PKD1L3: variants seen among roughly 807,000 people sequenced by gnomAD.
PKD1L3 encodes polycystin-1-like protein 3.
In PKD1L3, 239 loss-of-function variants were observed where a neutral mutation model predicts 184.1. That is an observed-to-expected ratio of 1.30 (90% CI 1.17 to 1.45). The LOEUF is 1.45. Among genes scored for constraint, PKD1L3 ranks in the 40% most tolerant of loss-of-function variants. The probability of loss-of-function intolerance (pLI) is 0.00; values close to 1 mark genes in which losing one functional copy is unlikely to be tolerated. For synonymous variants in PKD1L3, 996 were observed against 778.8 expected, an observed-to-expected ratio of 1.28 and a Z score of -4.64; for missense variants, 2,660 against 2,067.2, an observed-to-expected ratio of 1.29 and a Z score of -5.56.
At chr16:71,976,442 A>G (rs1210492304) in intron 11 of PKD1L3, among the ~76,000 whole-genome samples, 1 of 150,904 alleles carries the variant, frequency 6.6e-6, no homozygotes, top group Non-Finnish European at 1.5e-5. Flanking sequence ...TTTTTAGCAG[A>G]GATGGGGTTT....
intron 24 of PKD1L3, among the ~76,000 whole-genome samples, chr16:71,940,125 T>C (rs887799135): frequency 2.0e-5 from 3 of 151,524 alleles, no homozygotes; most frequent in Non-Finnish European, 4.4e-5. Flanking sequence ...AGTCAATATA[T>C]ATATAAACAA....
At chr16:71,977,190 G>A (rs1291647358) in intron 11 of PKD1L3, 46 bp downstream of exon 11, 2 of 1,395,298 alleles carry the variant, frequency 1.4e-6, no homozygotes, top group East Asian at 2.5e-5. Flanking sequence ...TACATCCTAG[G>A]CAAAAAGAAA....
chr16:71,969,869 C>T lies in PKD1L3; in HGVS notation c.2184+6G>A, dbSNP rs1400556572. 1.9e-6 allele frequency: 3 copies of T among 1,541,606 alleles called. No individual in the cohort carries two copies. The highest frequency in any genetic ancestry group is 1.2e-5 in the South Asian group (1 of 83,476). On this transcript the variant is annotated splice_donor_region_variant and intron_variant, in intron 13 of 29. Coordinates refer to ENST00000620267, the MANE Select transcript of PKD1L3 (RefSeq NM_181536.2). ...GGCAAATCTGTTGAAATCAAAGTCT[C>T]ATTACCTTCTGCATATCTGCTTGAT...
chr16:71,968,705 C>T (rs1270414544), intron 13 of PKD1L3, among the ~76,000 whole-genome samples: 1 of 151,834 alleles, frequency 6.6e-6, no homozygotes, highest in Non-Finnish European at 1.5e-5. Flanking sequence ...AAGTGATCCT[C>T]CCACCTCAGC....
chr16:71,981,273 T>G (rs1427244783), intron 7 of PKD1L3, among the ~76,000 whole-genome samples: 1 of 152,208 alleles, frequency 6.6e-6, no homozygotes, highest in Non-Finnish European at 1.5e-5. Context: ...TACATGGCGA[T>G]TCTATTTTTT....
At chr16:71,994,308 TCA>T (rs2040702311) in intron 2 of PKD1L3, among the ~76,000 whole-genome samples, 1 of 152,090 alleles carries the variant, frequency 6.6e-6, no homozygotes, top group South Asian at 2.1e-4. Flanking sequence ...GGAGCCTCCC[TCA>T]GTCTCATTCT....
Position 71,984,036 on chromosome 16 carries a change from C to T in PKD1L3, c.966G>A (p.Gln322=). The T allele has an allele frequency of 6.4e-7, 1 of 1,551,970 alleles. No individual in the cohort carries two copies. The highest frequency in any genetic ancestry group is 8.7e-7 in the Non-Finnish European group (1 of 1,146,914). The change falls in exon 6 of 30, where the codon CAG becomes CAA. Residue 322 remains glutamine (Q), a splice_region_variant and synonymous_variant. Coordinates refer to ENST00000620267, the MANE Select transcript of PKD1L3 (RefSeq NM_181536.2). The stretch of plus-strand genomic sequence containing the variant: ...TCCCTCCCAGTCACCCTCCACTTAC[C>T]TGAGCTGGCTTAGAAAATCTTGGGG... ...ALTPRFSKPA[Q]VNLINSLIYL... is the part of the protein sequence containing the mutation.
At position 71,951,727 on chromosome 16, in the gene PKD1L3, C is replaced by T; in HGVS notation, c.3027G>A (p.Val1009=). ...ATGTATTTCTCCTGAGCAGGAATCT[C>T]ACAGTTTCCTTTAATTCCTGAATGT... ...TMVVEELKET[V]RFLLRRNTYL... Residue 1009 remains valine (V), a synonymous_variant, in exon 19 of 30, where the codon GTG becomes GTA. Coordinates refer to ENST00000620267, the MANE Select transcript of PKD1L3 (RefSeq NM_181536.2). 3.9e-6 allele frequency: 6 copies of T among 1,549,150 alleles called. No homozygotes were observed. Among genetic ancestry groups the T allele is most frequent in the Non-Finnish European group, 5.2e-6 (6 of 1,146,084 alleles).
intron 9 of PKD1L3, among the ~76,000 whole-genome samples, chr16:71,979,459 A>AACAAG (rs2040063684): frequency 6.7e-6 from 1 of 150,372 alleles, no homozygotes; most frequent in Non-Finnish European, 1.5e-5. Flanking sequence ...AACAAAACAA[A>AACAAG]ACAAAACAAG....
intron 4 of PKD1L3, among the ~76,000 whole-genome samples, chr16:71,987,670 C>T (rs562144824): frequency 2.1e-4 from 32 of 152,016 alleles, no homozygotes; most frequent in Admixed American, 4.6e-4. Flanking sequence ...CCACTGCACC[C>T]GGCCTTTTTT....
At chr16:71,934,376 T>G (rs534673818) in intron 26 of PKD1L3, among the ~76,000 whole-genome samples, 52 of 152,302 alleles carry the variant, frequency 3.4e-4, no homozygotes, top group African/African-American at 1.2e-3. Flanking sequence ...CCTTAAAATG[T>G]GACCTCTAGC....
intron 15 of PKD1L3, among the ~76,000 whole-genome samples, chr16:71,965,438 C>T (rs1597332616): frequency 1.3e-5 from 2 of 152,206 alleles, no homozygotes; most frequent in Non-Finnish European, 1.5e-5. Flanking sequence ...GTATGTTTAA[C>T]TTCACAAGAA....
chr16:71,937,569 C>T (rs1567490332), intron 24 of PKD1L3, 150 bp from the exon 25 acceptor site: 2 of 884,292 alleles, frequency 2.3e-6, no homozygotes, highest in Non-Finnish European at 3.3e-6. Context: ...TTAGAGCTGT[C>T]ATGAACATTA....
intron 1 of PKD1L3, among the ~76,000 whole-genome samples, chr16:71,998,946 A>G (rs1021928890): frequency 6.6e-6 from 1 of 152,164 alleles, no homozygotes; most frequent in Non-Finnish European, 1.5e-5. Context: ...TTTGTCTCTA[A>G]AACTTCAAGA....
intron 16 of PKD1L3, among the ~76,000 whole-genome samples, chr16:71,956,364 T>G (rs1331694408): frequency 6.6e-6 from 1 of 151,804 alleles, no homozygotes; most frequent in Non-Finnish European, 1.5e-5. Flanking sequence ...TGGCTAATTT[T>G]TGTATTTTTA....
At chr16:71,975,122 C>T (rs1488046346) in intron 11 of PKD1L3, among the ~76,000 whole-genome samples, 3 of 151,996 alleles carry the variant, frequency 2.0e-5, no homozygotes, top group Admixed American at 1.3e-4. Flanking sequence ...GTGGTATCAT[C>T]GAAACTCATT....
At chr16:71,989,939 G>A (rs1289107757) in intron 4 of PKD1L3, among the ~76,000 whole-genome samples, 1 of 152,098 alleles carries the variant, frequency 6.6e-6, no homozygotes, top group Non-Finnish European at 1.5e-5. Context: ...GCTGGGTGTG[G>A]TGGCGCAGGC....
At chr16:71,963,492 A>G (rs978998515) in intron 15 of PKD1L3, 141 bp from the exon 16 acceptor site, 2 of 928,524 alleles carry the variant, frequency 2.2e-6, no homozygotes, top group East Asian at 2.9e-5. Flanking sequence ...GAAAGGAAAG[A>G]AAGTTGAGGC....
At chr16:71,930,313 C>G in intron 28 of PKD1L3, 130 bp from the exon 29 acceptor site, 1 of 907,382 alleles carries the variant, frequency 1.1e-6, no homozygotes, top group Non-Finnish European at 1.5e-6. Flanking sequence ...GGGAGAGAGT[C>G]AAAAGATAAT....
Sources: gnomAD v4.1 joint callset for allele counts (sites outside exome capture counted in the v4.1 genomes callset) on GRCh38, gnomAD v4.1.1 for gene constraint, MANE v1.5 for transcripts, NCBI Gene and HGNC (gene_info 2026-07-23, HGNC 2026-07-21) for gene names.